Variants in CDK14 observed in about 807,000 individuals in gnomAD.
The protein encoded by CDK14 is cyclin-dependent kinase 14.
A neutral mutation model predicts 60.7 loss-of-function variants in CDK14; 34 were observed. The ratio of observed to expected loss-of-function variants is 0.56; its 90% CI spans 0.43 to 0.75. The LOEUF (loss-of-function observed/expected upper bound fraction) is 0.75. Among genes scored for constraint, CDK14 ranks in the 30% least tolerant of loss-of-function variants. The pLI, the probability that CDK14 is intolerant of heterozygous loss-of-function variation, is 0.00. For missense variants in CDK14, 482 were observed against 564.1 expected, an observed-to-expected ratio of 0.85 and a Z score of 1.47; for synonymous variants, 197 against 203.7, an observed-to-expected ratio of 0.97 and a Z score of 0.28.
intron 2 of CDK14, chr7:90,608,563 G>C: frequency 4.1e-6 from 4 of 984,890 alleles, no homozygotes; most frequent in Non-Finnish European, 4.8e-6. Context: ...TGTTGGCTCT[G>C]CCTGGCTCTT....
intron 11 of CDK14, among the ~76,000 whole-genome samples, chr7:91,074,500 A>G (rs1018856821): frequency 6.6e-6 from 1 of 152,162 alleles, no homozygotes; most frequent in Non-Finnish European, 1.5e-5. Context: ...GCAGCTAAAG[A>G]AGTGTTAAGA....
At position 91,112,543 on chromosome 7, in the gene CDK14, C is replaced by T; in HGVS notation, c.1156C>T (p.Leu386Phe). 1.9e-6 allele frequency: 3 copies of T among 1,611,730 alleles called. No individual in the cohort carries two copies. The highest frequency in any genetic ancestry group is 2.5e-6 in the Non-Finnish European group (3 of 1,178,462). Reference sequence around the variant, plus strand: ...TCTCTTTTTTGCTCATGTTTTTAGGCTCAGCTATGTGAACCATGCAGAGGA... The same window carrying T: ...TCTCTTTTTTGCTCATGTTTTTAGGTTCAGCTATGTGAACCATGCAGAGGA... ...SKNLRQAWNK[L>F]SYVNHAEDLA... Residue 386 changes from leucine (L) to phenylalanine (F), a missense_variant and splice_region_variant, in exon 13 of 15, where the codon CTC (leucine) becomes TTC (phenylalanine). Transcript: ENST00000380050.
chr7:91,021,115 A>G (rs955678211), intron 10 of CDK14, among the ~76,000 whole-genome samples: 6 of 152,194 alleles, frequency 3.9e-5, no homozygotes, highest in Admixed American at 6.5e-5. Context: ...TAAGTCTCCT[A>G]TGACAGTGCC....
chr7:90,767,294 T>A (rs1804604327), intron 4 of CDK14, among the ~76,000 whole-genome samples: 1 of 152,208 alleles, frequency 6.6e-6, no homozygotes, highest in Non-Finnish European at 1.5e-5. Flanking sequence ...CCAAAGCACA[T>A]CCATGTACCT....
At chr7:91,072,891 A>C (rs1798195711) in intron 11 of CDK14, among the ~76,000 whole-genome samples, 1 of 152,018 alleles carries the variant, frequency 6.6e-6, no homozygotes, top group Non-Finnish European at 1.5e-5. Flanking sequence ...TCAATAGCCA[A>C]ATTGATCAAG....
chr7:91,081,719 C>A (rs534360047), intron 12 of CDK14, among the ~76,000 whole-genome samples: 2 of 152,094 alleles, frequency 1.3e-5, no homozygotes, highest in African/African-American at 4.8e-5. Flanking sequence ...AGGCAATTCC[C>A]TGCTGACTTC....
chr7:90,627,296 C>T (rs1004961286), intron 2 of CDK14, among the ~76,000 whole-genome samples: 3 of 151,650 alleles, frequency 2.0e-5, no homozygotes, highest in Non-Finnish European at 4.4e-5. Flanking sequence ...TGTAGTGTCA[C>T]CCTCCCAAGC....
chr7:90,799,543 A>T (rs1788556115), intron 5 of CDK14, among the ~76,000 whole-genome samples: 2 of 151,966 alleles, frequency 1.3e-5, no homozygotes, highest in African/African-American at 2.4e-5. Context: ...CAAAAAAATT[A>T]ACCAGGTGTG....
At chr7:91,045,859 T>C (rs1240359724) in intron 10 of CDK14, 38 bp from the exon 11 acceptor site, 1 of 1,357,680 alleles carries the variant, frequency 7.4e-7, no homozygotes, top group South Asian at 1.2e-5. Flanking sequence ...GCTTTGGAAA[T>C]AATAAGGCTG....
chr7:90,659,815 G>A (rs975924613), intron 2 of CDK14, among the ~76,000 whole-genome samples: 1 of 150,010 alleles, frequency 6.7e-6, no homozygotes, highest in Non-Finnish European at 1.5e-5. Flanking sequence ...GGAGGGGATG[G>A]AATCCTGGAG....
At chr7:91,161,336 G>T (rs1244280111) in intron 14 of CDK14, among the ~76,000 whole-genome samples, 1 of 152,182 alleles carries the variant, frequency 6.6e-6, no homozygotes, top group Non-Finnish European at 1.5e-5. Context: ...AGAGTGGGAT[G>T]TAAAGCCAAA....
intron 7 of CDK14, among the ~76,000 whole-genome samples, chr7:90,915,837 G>A (rs532503457): frequency 5.3e-5 from 8 of 152,188 alleles, no homozygotes; most frequent in African/African-American, 1.7e-4. Flanking sequence ...TTGTTTGAAC[G>A]TCAAATGAAG....
intron 4 of CDK14, among the ~76,000 whole-genome samples, chr7:90,777,494 C>T (rs931414000): frequency 6.6e-6 from 1 of 152,234 alleles, no homozygotes; most frequent in Non-Finnish European, 1.5e-5. Context: ...GTTAGAATCA[C>T]TGCGGGTGTT....
At chr7:91,001,866 A>G (rs1795845376) in intron 10 of CDK14, among the ~76,000 whole-genome samples, 1 of 152,246 alleles carries the variant, frequency 6.6e-6, no homozygotes, top group Non-Finnish European at 1.5e-5. Flanking sequence ...TTGTCTTTGC[A>G]TTACACTATG....
chr7:90,687,602 G>GATGGGGAA (rs1308502170), intron 2 of CDK14, among the ~76,000 whole-genome samples: 8 of 152,082 alleles, frequency 5.3e-5, no homozygotes, highest in African/African-American at 1.9e-4. Context: ...TGTGTAATGA[G>GATGGGGAA]ATGGGGAAAT....
At chr7:90,627,070 A>G (rs563292048) in intron 2 of CDK14, among the ~76,000 whole-genome samples, 3 of 152,306 alleles carry the variant, frequency 2.0e-5, no homozygotes, top group South Asian at 4.2e-4. Context: ...TAATTTGGAC[A>G]TTAAAGTTAT....
At chr7:90,601,787 T>C (rs1799318604) in intron 1 of CDK14, among the ~76,000 whole-genome samples, 2 of 152,076 alleles carry the variant, frequency 1.3e-5, no homozygotes, top group Non-Finnish European at 2.9e-5. Flanking sequence ...AGGGTCTCAC[T>C]CTGTCGCCCA....
chr7:90,737,876 C>A (rs1196095939), intron 3 of CDK14, among the ~76,000 whole-genome samples: 1 of 152,152 alleles, frequency 6.6e-6, no homozygotes, highest in Non-Finnish European at 1.5e-5. Context: ...GGGTACTCAA[C>A]AATCTTAAGC....
rs773324962 is a variant in CDK14, at chr7:90,701,713, A to G, written c.124-24854A>G. ...AGCTGAAAATCAACTTGAAGTGGCT[A>G]AAGAAAGAAATAGATTTATTGGGAA... On this transcript the variant is annotated intron_variant, in intron 2 of 14. Coordinates refer to ENST00000380050, the MANE Select transcript of CDK14 (RefSeq NM_001287135.2). Among the ~76,000 whole-genome samples, 46 of 152,300 alleles carry G rather than the reference A, an allele frequency of 3.0e-4. No individual in the cohort carries two copies. The South Asian group carries it at 4.8e-3, about 16-fold the overall frequency.
Sources: gnomAD v4.1 joint callset for allele counts (sites outside exome capture counted in the v4.1 genomes callset) on GRCh38, gnomAD v4.1.1 for gene constraint, MANE v1.5 for transcripts, NCBI Gene and HGNC (gene_info 2026-07-23, HGNC 2026-07-21) for gene names.